The following KCNQ5 variants were observed in gnomAD, a reference collection of about 807,000 sequenced individuals.
KCNQ5 encodes the protein potassium voltage-gated channel subfamily Q member 5.
In KCNQ5, 30 loss-of-function variants were observed where a neutral mutation model predicts 98.2. That is an observed-to-expected ratio of 0.31 (90% CI 0.23 to 0.41). The LOEUF (loss-of-function observed/expected upper bound fraction) is 0.41, where lower values mean the gene tolerates loss of function less well. Among genes scored for constraint, KCNQ5 ranks in the 10% least tolerant of loss-of-function variants. The pLI, the probability that KCNQ5 is intolerant of heterozygous loss-of-function variation, is 1.00. For synonymous variants in KCNQ5, 458 were observed against 449.4 expected, an observed-to-expected ratio of 1.02 and a Z score of -0.24; for missense variants, 835 against 1,182.5, an observed-to-expected ratio of 0.71 and a Z score of 4.31.
intron 1 of KCNQ5, among the ~76,000 whole-genome samples, chr6:72,696,383 A>G (rs1565085265): frequency 1.3e-5 from 2 of 152,230 alleles, no homozygotes; most frequent in Non-Finnish European, 2.9e-5. Context: ...AATTTTTAAT[A>G]TTAGGCACTT....
chr6:72,692,786 A>G (rs1768277416), intron 1 of KCNQ5, among the ~76,000 whole-genome samples: 1 of 152,198 alleles, frequency 6.6e-6, no homozygotes, highest in African/African-American at 2.4e-5. Context: ...TGTAGCAAAG[A>G]GACAAAGTAA....
intron 6 of KCNQ5, among the ~76,000 whole-genome samples, chr6:73,108,295 G>A (rs917143231): frequency 6.6e-6 from 1 of 152,098 alleles, no homozygotes; most frequent in Admixed American, 6.6e-5. Context: ...CCTTTTTAGA[G>A]TGCTCCCTTG....
chr6:73,053,875 C>CA (rs541933707), intron 3 of KCNQ5, among the ~76,000 whole-genome samples: 128 of 151,498 alleles, frequency 8.4e-4, no homozygotes, highest in African/African-American at 2.7e-3. Flanking sequence ...AATTGAGACG[C>CA]AAAAAAACAT....
In KCNQ5 at chr6:72,928,674, G is replaced by GT. The variant is rs1474391098; in HGVS notation, c.399-75234_399-75233insT. Among the ~76,000 whole-genome samples the GT allele has an allele frequency of 3.7e-4, 56 of 152,152 alleles. No individual in the cohort carries two copies. In the Middle Eastern group the frequency reaches 0.01, roughly 28 times the overall value. On this transcript the variant is annotated intron_variant, in intron 1 of 13. Transcript: ENST00000370398. The stretch of plus-strand genomic sequence containing the variant: ...CTCTAGCTAGCTAGCTACATAGATA[G>GT]ATAGAAGTAGACAGAGATATAGATA...
chr6:72,730,730 A>T (rs1770512969), intron 1 of KCNQ5, among the ~76,000 whole-genome samples: 1 of 151,922 alleles, frequency 6.6e-6, no homozygotes, highest in East Asian at 1.9e-4. Flanking sequence ...ATGGTGTTTT[A>T]TGTGGTAGAG....
chr6:72,680,757 A>G (rs762501484), intron 1 of KCNQ5, among the ~76,000 whole-genome samples: 3 of 152,252 alleles, frequency 2.0e-5, no homozygotes, highest in African/African-American at 4.8e-5. Flanking sequence ...ATAAGAGGAA[A>G]TATCCCCTTT....
intron 5 of KCNQ5, among the ~76,000 whole-genome samples, chr6:73,098,044 A>G (rs1774591565): frequency 6.6e-6 from 1 of 152,186 alleles, no homozygotes; most frequent in Non-Finnish European, 1.5e-5. Flanking sequence ...GAATGAATTC[A>G]GAATTTTATC....
At chr6:73,096,597 T>C (rs1004475508) in intron 5 of KCNQ5, among the ~76,000 whole-genome samples, 13 of 152,232 alleles carry the variant, frequency 8.5e-5, no homozygotes, top group African/African-American at 3.1e-4. Context: ...TAACCTTCTC[T>C]TTACTAATCC....
At chr6:73,051,510 C>A (rs573368382) in intron 3 of KCNQ5, among the ~76,000 whole-genome samples, 20 of 152,128 alleles carry the variant, frequency 1.3e-4, no homozygotes, top group Admixed American at 3.9e-4. Flanking sequence ...AGCGCCTCCA[C>A]TTTAGCAGTT....
chr6:72,830,688 G>A (rs1446378893), intron 1 of KCNQ5, among the ~76,000 whole-genome samples: 4 of 152,206 alleles, frequency 2.6e-5, no homozygotes. Context: ...AGGATCTCAT[G>A]TCTAAAACAC....
At chr6:73,013,064 T>C (rs146643096) in intron 2 of KCNQ5, among the ~76,000 whole-genome samples, 214 of 152,186 alleles carry the variant, frequency 1.4e-3, no homozygotes, top group African/African-American at 5.1e-3. Flanking sequence ...TTGAAAATGC[T>C]ACACTTAAGG....
chr6:73,159,051 A>G (rs1301212994), intron 10 of KCNQ5, among the ~76,000 whole-genome samples: 4 of 152,236 alleles, frequency 2.6e-5, no homozygotes, highest in African/African-American at 9.6e-5. Context: ...TACCTTGTAT[A>G]AAATTGTAAG....
intron 10 of KCNQ5, among the ~76,000 whole-genome samples, chr6:73,162,157 T>G (rs1777637935): frequency 6.6e-6 from 1 of 151,518 alleles, no homozygotes; most frequent in Non-Finnish European, 1.5e-5. Flanking sequence ...GAACTCCTGA[T>G]CTCAGGTGAT....
chr6:73,118,089 G>T (rs140737384), intron 7 of KCNQ5, among the ~76,000 whole-genome samples: 2 of 152,282 alleles, frequency 1.3e-5, no homozygotes, highest in African/African-American at 4.8e-5. Context: ...AGTACAATGT[G>T]CATGCAGAAA....
intron 2 of KCNQ5, among the ~76,000 whole-genome samples, chr6:73,035,272 A>C (rs1771361950): frequency 6.6e-6 from 1 of 152,176 alleles, no homozygotes; most frequent in African/African-American, 2.4e-5. Context: ...TGAGTGATAA[A>C]AATAATACAC....
rs576131210 is a variant in KCNQ5, at chr6:72,760,099, C to T, written c.398+137512C>T. Among the ~76,000 whole-genome samples the T allele has an allele frequency of 1.5e-3, 233 of 152,206 alleles. 1 individual carries two copies. Among genetic ancestry groups the T allele is most frequent in the Non-Finnish European group, 2.6e-3 (180 of 68,002 alleles). ...GCTCCTCTGAAGAAATGATTCCATA[C>T]GAAGGAGAAGGGTCCCCTTTCCAGA... On this transcript the variant is annotated intron_variant, in intron 1 of 13. Transcript: ENST00000370398.
At chr6:73,097,895 T>C (rs2150411771) in intron 5 of KCNQ5, among the ~76,000 whole-genome samples, 1 of 152,232 alleles carries the variant, frequency 6.6e-6, no homozygotes, top group South Asian at 2.1e-4. Context: ...CAGGAAAGCC[T>C]TCCCAAGGAG....
chr6:72,922,581 C>T (rs1280826065), intron 1 of KCNQ5, among the ~76,000 whole-genome samples: 1 of 152,064 alleles, frequency 6.6e-6, no homozygotes, highest in African/African-American at 2.4e-5. Flanking sequence ...CTCACCAGTC[C>T]CTAGTAACCA....
chr6:73,129,772 C>T (rs747059317), intron 9 of KCNQ5: 2 of 1,604,146 alleles, frequency 1.2e-6, no homozygotes, highest in East Asian at 2.2e-5. Context: ...TAATGTGCTG[C>T]TCTATTTCCC....
Sources: allele counts gnomAD v4.1 joint callset (sites outside exome capture counted in the v4.1 genomes callset), GRCh38; gene constraint gnomAD v4.1.1; transcripts MANE v1.5; gene names NCBI Gene and HGNC (gene_info 2026-07-23, HGNC 2026-07-21).